WDR44: variants seen among roughly 807,000 people sequenced by gnomAD.
The protein encoded by WDR44 is WD repeat domain 44.
A neutral mutation model predicts 65.7 loss-of-function variants in WDR44; 9 were observed. The ratio of observed to expected loss-of-function variants is 0.14; its 90% CI spans 0.08 to 0.24. The LOEUF (loss-of-function observed/expected upper bound fraction) is 0.24, where lower values mean the gene tolerates loss of function less well. Among genes scored for constraint, WDR44 ranks in the 10% least tolerant of loss-of-function variants. WDR44 has a pLI of 1.00. For synonymous variants in WDR44, 220 were observed against 235.2 expected (o/e 0.94, Z 0.59); for missense variants, 425 against 670.9 (o/e 0.63, Z 4.05).
At chrX:118,368,712 CTTTTTTTTTT>C (rs57659623) in intron 1 of WDR44, among the ~76,000 whole-genome samples, 2 of 70,833 alleles carry the variant, frequency 2.8e-5, no homozygotes, top group South Asian at 1.5e-3. Flanking sequence ...CATACTCTTC[CTTTTTTTTTT>C]TTTTTTTTTT....
chrX:118,404,484 A>G (rs373304319), intron 9 of WDR44, 40 bp downstream of exon 9: 68 of 1,020,723 alleles, frequency 6.7e-5, no homozygotes, highest in Non-Finnish European at 9.0e-5. Context: ...CATTCAATTA[A>G]TTTGTAATCG....
chrX:118,398,779 T>C (rs1440771764), intron 8 of WDR44, among the ~76,000 whole-genome samples: 1 of 111,307 alleles, frequency 9.0e-6, no homozygotes, highest in Non-Finnish European at 1.9e-5. Flanking sequence ...ATACAAAAAT[T>C]AGTTGGGCAT....
At chrX:118,384,480 A>G (rs1395764129) in intron 2 of WDR44, among the ~76,000 whole-genome samples, 1 of 111,939 alleles carries the variant, frequency 8.9e-6, no homozygotes, top group Non-Finnish European at 1.9e-5. Flanking sequence ...CGAAGATCAG[A>G]TAGTTGTAGG....
At chrX:118,346,649 T>TA (rs2056353183) in intron 1 of WDR44, 69 bp downstream of exon 1, 1 of 866,078 alleles carries the variant, frequency 1.2e-6, no homozygotes, top group Non-Finnish European at 1.6e-6. Context: ...GTCTTCCCCC[T>TA]ACACCCCTCC....
intron 1 of WDR44, among the ~76,000 whole-genome samples, chrX:118,347,465 G>C (rs1176692749): frequency 1.8e-5 from 2 of 112,245 alleles, no homozygotes; most frequent in Non-Finnish European, 3.8e-5. Context: ...TCAAAGTTGG[G>C]GTAGTGCTTT....
chrX:118,416,442 C>T (rs1167510450), intron 12 of WDR44, among the ~76,000 whole-genome samples: 2 of 111,661 alleles, frequency 1.8e-5, no homozygotes, highest in African/African-American at 6.5e-5. Flanking sequence ...CATTTTTGAC[C>T]GAGTGCTCAT....
At chrX:118,418,785 A>G (rs1191466198) in intron 12 of WDR44, among the ~76,000 whole-genome samples, 1 of 110,697 alleles carries the variant, frequency 9.0e-6, no homozygotes, top group Non-Finnish European at 1.9e-5. Flanking sequence ...ACCAGGGTGG[A>G]TAAGGAAGGC....
At chrX:118,369,236 A>G (rs1187651677) in intron 1 of WDR44, among the ~76,000 whole-genome samples, 1 of 109,911 alleles carries the variant, frequency 9.1e-6, no homozygotes, top group Non-Finnish European at 1.9e-5. Flanking sequence ...CAGTGGCCCT[A>G]TCTCGGCTCA....
At chrX:118,383,314 C>T (rs996769723) in intron 2 of WDR44, among the ~76,000 whole-genome samples, 1 of 109,426 alleles carries the variant, frequency 9.1e-6, no homozygotes, top group Non-Finnish European at 1.9e-5. Context: ...CAAATTAGGC[C>T]GAGTGCAGTG....
intron 12 of WDR44, among the ~76,000 whole-genome samples, chrX:118,412,349 G>A (rs963400869): frequency 4.5e-5 from 5 of 111,452 alleles, no homozygotes; most frequent in Admixed American, 1.9e-4. Context: ...CTGGGAGCAG[G>A]GTGGGGCTTT....
intron 14 of WDR44, 107 bp from the exon 15 acceptor site, chrX:118,441,261 G>A: frequency 4.9e-6 from 4 of 819,545 alleles, no homozygotes; most frequent in Non-Finnish European, 6.9e-6. Context: ...ACCTGGCCCT[G>A]AAATCTACAT....
intron 5 of WDR44, 139 bp from the exon 6 acceptor site, chrX:118,395,110 G>A (rs900189476): frequency 5.8e-5 from 32 of 552,853 alleles, no homozygotes; most frequent in African/African-American, 3.8e-4. Context: ...ATGAAGGACT[G>A]AAACGTAATG....
At chrX:118,427,925 T>C (rs918214957) in intron 12 of WDR44, among the ~76,000 whole-genome samples, 1 of 109,783 alleles carries the variant, frequency 9.1e-6, no homozygotes, top group Non-Finnish European at 1.9e-5. Context: ...TCTGCCCGCC[T>C]CGGCCTCCCA....
chrX:118,365,993 A>G (rs2056549846), intron 1 of WDR44, among the ~76,000 whole-genome samples: 1 of 111,936 alleles, frequency 8.9e-6, no homozygotes, highest in African/African-American at 3.2e-5. Context: ...TTTAGATGGA[A>G]ATTGAGCTCT....
Position 118,408,055 on chromosome X carries a change from A to G in WDR44, c.1533+1029A>G, listed in dbSNP as rs5956973. Among the ~76,000 whole-genome samples, 823 of 111,514 alleles carry G rather than the reference A, an allele frequency of 7.4e-3. 3 individuals carry two copies. The highest frequency in any genetic ancestry group is 0.025 in the African/African-American group (778 of 30,701). Reference sequence around the variant, plus strand: ...TGATGAATTTCCTAGTACTGTATTGACTCGTTATTTCCTGTTTTAAATAAA... The same window carrying G: ...TGATGAATTTCCTAGTACTGTATTGGCTCGTTATTTCCTGTTTTAAATAAA... On this transcript the variant is annotated intron_variant, in intron 10 of 19. Coordinates refer to ENST00000254029, the MANE Select transcript of WDR44 (RefSeq NM_019045.5).
intron 1 of WDR44, among the ~76,000 whole-genome samples, chrX:118,352,352 A>ATTTTTTT (rs556374639): frequency 1.4e-4 from 2 of 14,224 alleles, no homozygotes; most frequent in African/African-American, 7.4e-4. Context: ...ATATATATAT[A>ATTTTTTT]TTTTTTTTTT....
intron 11 of WDR44, among the ~76,000 whole-genome samples, chrX:118,410,009 A>G (rs1392341773): frequency 1.8e-5 from 2 of 112,296 alleles, no homozygotes; most frequent in Non-Finnish European, 3.8e-5. Context: ...TGGAAAATGA[A>G]TGTGAATTGT....
intron 2 of WDR44, among the ~76,000 whole-genome samples, chrX:118,381,349 A>T (rs2056713938): frequency 1.8e-5 from 2 of 109,188 alleles, no homozygotes; most frequent in Admixed American, 2.0e-4. Context: ...CATGCCTGTA[A>T]TCCCAGCTAC....
At chrX:118,366,560 C>T (rs182258454) in intron 1 of WDR44, among the ~76,000 whole-genome samples, 4 of 111,293 alleles carry the variant, frequency 3.6e-5, no homozygotes, top group East Asian at 2.8e-4. Flanking sequence ...GCTGATTTAT[C>T]GAAAGAGACA....
Sources: allele counts gnomAD v4.1 joint callset (sites outside exome capture counted in the v4.1 genomes callset), GRCh38; gene constraint gnomAD v4.1.1; transcripts MANE v1.5; gene names NCBI Gene and HGNC (gene_info 2026-07-23, HGNC 2026-07-21).